CLSTN2: variants seen among roughly 807,000 people sequenced by gnomAD.
The protein encoded by CLSTN2 is calsyntenin-2.
A neutral mutation model predicts 101.2 loss-of-function variants in CLSTN2; 48 were observed. The ratio of observed to expected loss-of-function variants is 0.47; its 90% CI spans 0.38 to 0.60. The LOEUF (loss-of-function observed/expected upper bound fraction) is 0.60, where lower values mean the gene tolerates loss of function less well. CLSTN2 is among the 20% of genes least tolerant of loss of function. CLSTN2 has a pLI of 0.00. For missense variants in CLSTN2, 1,160 were observed against 1,238.2 expected (o/e 0.94, Z 0.95); for synonymous variants, 481 against 463.6 (o/e 1.04, Z -0.48).
chr3:140,478,799 G>GGGAAA (rs1934046632), intron 8 of CLSTN2, among the ~76,000 whole-genome samples: 8 of 147,856 alleles, frequency 5.4e-5, no homozygotes, highest in African/African-American at 1.7e-4. Context: ...GGGAAGGGAA[G>GGGAAA]AAGGGAGGAA....
At chr3:140,362,169 T>C (rs6790930) in intron 2 of CLSTN2, among the ~76,000 whole-genome samples, 59,226 of 151,976 alleles carry the variant, frequency 0.39, 12,828 homozygotes, top group Non-Finnish European at 0.5. Context: ...CCTTAAACTT[T>C]TATGATCAAG....
Position 140,055,744 on chromosome 3 carries a change from A to T in CLSTN2, c.110-120207A>T, listed in dbSNP as rs116295264. 4.9e-3 allele frequency among the ~76,000 whole-genome samples: 745 copies of T among 152,316 alleles called. 6 individuals are homozygous for T. Among genetic ancestry groups the T allele is most frequent in the African/African-American group, 0.018 (731 of 41,574 alleles). On this transcript the variant is annotated intron_variant, in intron 1 of 16. Transcript: ENST00000458420. ...TGCTCTGGTTTAGCACTAATCTTAG[A>T]AAGGCGCTAACAGGTAGGAGGAAAC...
chr3:139,941,760 G>A (rs1308031102), intron 1 of CLSTN2, among the ~76,000 whole-genome samples: 2 of 152,180 alleles, frequency 1.3e-5, no homozygotes, highest in African/African-American at 2.4e-5. Flanking sequence ...ACACAGGCAC[G>A]AGTGAAGAGG....
intron 1 of CLSTN2, among the ~76,000 whole-genome samples, chr3:140,171,464 A>T (rs1326097273): frequency 6.6e-6 from 1 of 151,554 alleles, no homozygotes; most frequent in Non-Finnish European, 1.5e-5. Context: ...CTCCTGGAAC[A>T]GCTCTGAACT....
intron 1 of CLSTN2, among the ~76,000 whole-genome samples, chr3:140,054,637 C>A (rs2008065504): frequency 6.6e-6 from 1 of 152,170 alleles, no homozygotes; most frequent in African/African-American, 2.4e-5. Flanking sequence ...GAGACAAGAT[C>A]TTCACCTTTT....
chr3:140,133,875 T>C (rs2009560461), intron 1 of CLSTN2, among the ~76,000 whole-genome samples: 1 of 152,182 alleles, frequency 6.6e-6, no homozygotes, highest in Admixed American at 6.5e-5. Context: ...AAACTTGCTG[T>C]AATTCTACTG....
chr3:140,015,072 C>T (rs1015931192), intron 1 of CLSTN2, among the ~76,000 whole-genome samples: 7 of 152,172 alleles, frequency 4.6e-5, no homozygotes, highest in Non-Finnish European at 1.0e-4. Flanking sequence ...CATCCATCCC[C>T]CTTGCTCCGT....
chr3:140,312,938 A>C (rs1344637094), intron 2 of CLSTN2, among the ~76,000 whole-genome samples: 2 of 152,186 alleles, frequency 1.3e-5, no homozygotes, highest in Non-Finnish European at 2.9e-5. Context: ...ATCCTGAACA[A>C]TTTCTATTTT....
intron 1 of CLSTN2, among the ~76,000 whole-genome samples, chr3:140,119,617 C>G (rs2009305746): frequency 1.3e-5 from 2 of 152,228 alleles, no homozygotes; most frequent in South Asian, 4.2e-4. Context: ...CAGGCTCAAT[C>G]AATTCTCCCA....
chr3:140,235,929 A>G (rs977878947), intron 2 of CLSTN2, among the ~76,000 whole-genome samples: 5 of 152,202 alleles, frequency 3.3e-5, no homozygotes, highest in African/African-American at 7.2e-5. Flanking sequence ...GTGGGAATAA[A>G]GCTGGAGAAA....
intron 2 of CLSTN2, among the ~76,000 whole-genome samples, chr3:140,400,296 G>A (rs1576548592): frequency 6.6e-6 from 1 of 152,124 alleles, no homozygotes; most frequent in Non-Finnish European, 1.5e-5. Flanking sequence ...ATGCAAATGG[G>A]GCAGCAAGAC....
chr3:139,967,244 C>T (rs563072812), intron 1 of CLSTN2, among the ~76,000 whole-genome samples: 1 of 152,328 alleles, frequency 6.6e-6, no homozygotes, highest in South Asian at 2.1e-4. Context: ...GAGGTCTGTA[C>T]ATGGGTGGGA....
At chr3:140,127,000 C>CAATG (rs1392150758) in intron 1 of CLSTN2, among the ~76,000 whole-genome samples, 24 of 140,062 alleles carry the variant, frequency 1.7e-4, no homozygotes, top group Non-Finnish European at 2.3e-4. Context: ...TCAAGGTTAT[C>CAATG]ACTATGTGTC....
At chr3:140,281,883 A>G (rs2086850589) in intron 2 of CLSTN2, among the ~76,000 whole-genome samples, 1 of 152,270 alleles carries the variant, frequency 6.6e-6, no homozygotes, top group South Asian at 2.1e-4. Flanking sequence ...TAGCTGCTCT[A>G]TCGGATTAGT....
intron 2 of CLSTN2, among the ~76,000 whole-genome samples, chr3:140,192,371 A>G (rs1050336424): frequency 2.0e-5 from 3 of 151,938 alleles, no homozygotes; most frequent in African/African-American, 7.2e-5. Flanking sequence ...TTTTCGGACT[A>G]GTTCTATGAA....
intron 1 of CLSTN2, among the ~76,000 whole-genome samples, chr3:140,145,897 A>G (rs888498264): frequency 1.3e-5 from 2 of 152,246 alleles, no homozygotes; most frequent in African/African-American, 4.8e-5. Context: ...GATGAAAATC[A>G]TTGTCTATGA....
chr3:140,213,610 G>A (rs1331173969), intron 2 of CLSTN2, among the ~76,000 whole-genome samples: 2 of 152,234 alleles, frequency 1.3e-5, no homozygotes, highest in Non-Finnish European at 2.9e-5. Flanking sequence ...CTGAGGAGTA[G>A]CAATTGGTGG....
intron 2 of CLSTN2, among the ~76,000 whole-genome samples, chr3:140,366,235 C>T (rs1357491407): frequency 6.6e-6 from 1 of 152,176 alleles, no homozygotes; most frequent in African/African-American, 2.4e-5. Flanking sequence ...GGCTAGGATT[C>T]GTGCTGGAGA....
In CLSTN2 at chr3:140,566,306, A is replaced by G; in HGVS notation, c.*53A>G. 2 of 1,499,708 alleles carry G rather than the reference A, an allele frequency of 1.3e-6. No homozygotes were observed. Among genetic ancestry groups the G allele is most frequent in the Non-Finnish European group, 1.8e-6 (2 of 1,101,500 alleles). The allele number at this position is 1,499,708 out of a possible 1,614,324, so 92.9% of individuals were successfully genotyped here. A position where few individuals can be genotyped will look rare whatever the true frequency, so the allele number is the denominator to read the frequency against. ...ATGTCCCTTTTGTAAACCCTGACCC[A>G]GTGTATGCCCATGTCTATCATACCT... On this transcript the variant is annotated 3_prime_UTR_variant, in exon 17 of 17. Transcript: ENST00000458420.
Sources: allele counts gnomAD v4.1 joint callset (sites outside exome capture counted in the v4.1 genomes callset), GRCh38; gene constraint gnomAD v4.1.1; transcripts MANE v1.5; gene names NCBI Gene and HGNC (gene_info 2026-07-23, HGNC 2026-07-21).